NFIA: variants seen among roughly 807,000 people sequenced by gnomAD.
NFIA encodes nuclear factor 1 A-type.
A neutral mutation model predicts 62.8 loss-of-function variants in NFIA; 8 were observed. The ratio of observed to expected loss-of-function variants is 0.13; its 90% CI spans 0.07 to 0.23. The LOEUF is 0.23. Among genes scored for constraint, NFIA ranks in the 10% least tolerant of loss-of-function variants. NFIA has a pLI of 1.00. For missense variants in NFIA, 410 were observed against 642.1 expected (o/e 0.64, Z 3.91); for synonymous variants, 235 against 238.1 (o/e 0.99, Z 0.12).
intron 2 of NFIA, among the ~76,000 whole-genome samples, chr1:61,136,907 T>G (rs1647204061): frequency 6.6e-6 from 1 of 152,168 alleles, no homozygotes; most frequent in African/African-American, 2.4e-5. Context: ...TATAAGAATT[T>G]TAGAAAATTA....
intron 2 of NFIA, among the ~76,000 whole-genome samples, chr1:61,128,872 A>G (rs1357338344): frequency 2.0e-5 from 3 of 150,872 alleles, no homozygotes; most frequent in East Asian, 2.0e-4. Flanking sequence ...TCACAGACCC[A>G]GAAGAGTAGT....
chr1:61,371,044 C>G (rs1663857917), intron 6 of NFIA, among the ~76,000 whole-genome samples: 2 of 152,112 alleles, frequency 1.3e-5, no homozygotes, highest in African/African-American at 4.8e-5. Flanking sequence ...TCTAGGATAG[C>G]AGGATTACTT....
intron 2 of NFIA, among the ~76,000 whole-genome samples, chr1:61,133,657 G>C (rs904856677): frequency 3.3e-5 from 5 of 152,170 alleles, no homozygotes; most frequent in Admixed American, 6.5e-5. Flanking sequence ...AGAATATATT[G>C]TTGCTGAAAT....
At chr1:61,221,513 A>C (rs1480293012) in intron 2 of NFIA, among the ~76,000 whole-genome samples, 1 of 152,182 alleles carries the variant, frequency 6.6e-6, no homozygotes, top group Non-Finnish European at 1.5e-5. Context: ...TTCCATAGAC[A>C]CTTAGCATTT....
chr1:61,450,532 G>A (rs1446446015), intron 10 of NFIA, among the ~76,000 whole-genome samples: 1 of 152,192 alleles, frequency 6.6e-6, no homozygotes, highest in East Asian at 1.9e-4. Flanking sequence ...TTATTGGTTG[G>A]CTGAGTCCTC....
intron 2 of NFIA, among the ~76,000 whole-genome samples, chr1:61,126,466 A>ACACACACACACACT (rs775218764): frequency 4.0e-5 from 6 of 151,536 alleles, no homozygotes; most frequent in Non-Finnish European, 7.4e-5. Flanking sequence ...ACACACACAC[A>ACACACACACACACT]CACACACACT....
chr1:61,426,048 G>A (rs1007975683), intron 9 of NFIA, among the ~76,000 whole-genome samples: 4 of 152,058 alleles, frequency 2.6e-5, no homozygotes, highest in African/African-American at 9.7e-5. Context: ...AGAGTGTAAC[G>A]GTGTGAAAAG....
chr1:61,243,528 GATT>G (rs1655465863), intron 2 of NFIA, among the ~76,000 whole-genome samples: 1 of 152,018 alleles, frequency 6.6e-6, no homozygotes, highest in Non-Finnish European at 1.5e-5. Context: ...GTGTAATACT[GATT>G]ATTACTTGTC....
intron 6 of NFIA, among the ~76,000 whole-genome samples, chr1:61,378,513 T>C (rs760812329): frequency 7.2e-5 from 11 of 152,112 alleles, no homozygotes; most frequent in Non-Finnish European, 8.8e-5. Flanking sequence ...AATACACACA[T>C]GTCTAGCATT....
chr1:61,084,974 A>C (rs1422857291), intron 1 of NFIA, among the ~76,000 whole-genome samples: 1 of 152,154 alleles, frequency 6.6e-6, no homozygotes, highest in Non-Finnish European at 1.5e-5. Flanking sequence ...TGTAAAGAAA[A>C]TGTACAATAA....
chr1:61,141,435 C>G (rs1165781903), intron 2 of NFIA, among the ~76,000 whole-genome samples: 1 of 151,946 alleles, frequency 6.6e-6, no homozygotes, highest in South Asian at 2.1e-4. Context: ...AAAACCATGT[C>G]TTTTAAAGTC....
chr1:61,442,088 C>G (rs1406505589), intron 10 of NFIA, among the ~76,000 whole-genome samples: 1 of 152,150 alleles, frequency 6.6e-6, no homozygotes, highest in Admixed American at 6.5e-5. Context: ...CCCTCGCACC[C>G]CTTCCTGGCT....
At chr1:61,167,269 C>T (rs892458658) in intron 2 of NFIA, among the ~76,000 whole-genome samples, 3 of 152,158 alleles carry the variant, frequency 2.0e-5, no homozygotes, top group African/African-American at 7.2e-5. Context: ...GATGAGTGTA[C>T]TCATGTATGA....
chr1:61,227,147 T>C (rs1422502553), intron 2 of NFIA, among the ~76,000 whole-genome samples: 1 of 152,204 alleles, frequency 6.6e-6, no homozygotes, highest in Non-Finnish European at 1.5e-5. Context: ...ACAGACACTT[T>C]GACTGACAAG....
chr1:61,331,030 C>G (rs1661275646), intron 3 of NFIA, among the ~76,000 whole-genome samples: 1 of 152,128 alleles, frequency 6.6e-6, no homozygotes, highest in Non-Finnish European at 1.5e-5. Flanking sequence ...CTTCTCAGTT[C>G]TCTTAATCTA....
At chr1:61,242,499 A>G (rs907089557) in intron 2 of NFIA, among the ~76,000 whole-genome samples, 1 of 152,228 alleles carries the variant, frequency 6.6e-6, no homozygotes, top group Non-Finnish European at 1.5e-5. Context: ...AATTATATAA[A>G]TAACCAGTAC....
At position 61,389,055 on chromosome 1, in the gene NFIA, A is replaced by G. The variant is rs560904520; in HGVS notation, c.1075+5690A>G. 2.6e-4 allele frequency among the ~76,000 whole-genome samples: 39 copies of G among 152,248 alleles called. 1 individual carries two copies. The highest frequency in any genetic ancestry group is 8.2e-4 in the African/African-American group (34 of 41,554). On this transcript the variant is annotated intron_variant, in intron 7 of 10. Transcript: ENST00000403491. ...CTTGAGCCCAGGAATTTGAGGCTGC[A>G]GTGAGCTATGACGGCACTCCAGCCT...
chr1:61,432,266 C>A (rs1667129190), intron 10 of NFIA, among the ~76,000 whole-genome samples: 2 of 150,896 alleles, frequency 1.3e-5, no homozygotes, highest in South Asian at 4.2e-4. Context: ...GTGTTCTAAC[C>A]CATCCCAATA....
At chr1:61,193,202 G>A (rs1388874616) in intron 2 of NFIA, among the ~76,000 whole-genome samples, 4 of 152,166 alleles carry the variant, frequency 2.6e-5, no homozygotes, top group African/African-American at 7.2e-5. Flanking sequence ...TTTATAAAAC[G>A]TTCACATGCT....
Sources: allele counts gnomAD v4.1 joint callset (sites outside exome capture counted in the v4.1 genomes callset), GRCh38; gene constraint gnomAD v4.1.1; transcripts MANE v1.5; gene names NCBI Gene and HGNC (gene_info 2026-07-23, HGNC 2026-07-21).